NAPEPLD: variants seen among roughly 807,000 people sequenced by gnomAD.
NAPEPLD encodes N-acyl-phosphatidylethanolamine-hydrolyzing phospholipase D.
NAPEPLD carries 23 observed loss-of-function variants against 38.1 expected under a neutral mutation model. That is an observed-to-expected ratio of 0.60 (90% CI 0.43 to 0.86). The LOEUF (loss-of-function observed/expected upper bound fraction) is 0.86, where lower values mean the gene tolerates loss of function less well. Ranked by LOEUF, NAPEPLD falls within the 40% of genes least tolerant of loss-of-function variation. NAPEPLD has a pLI of 0.00. For missense variants in NAPEPLD, 411 were observed against 476.8 expected, an observed-to-expected ratio of 0.86 and a Z score of 1.28; for synonymous variants, 147 against 162.0, an observed-to-expected ratio of 0.91 and a Z score of 0.71.
At position 103,134,057 on chromosome 7, in the gene NAPEPLD, C is replaced by T. The variant is rs116489588; in HGVS notation, c.-16-5265G>A. 4.8e-3 allele frequency among the ~76,000 whole-genome samples: 730 copies of T among 152,230 alleles called. 6 individuals carry two copies. The highest frequency in any genetic ancestry group is 0.017 in the African/African-American group (690 of 41,522). The stretch of plus-strand genomic sequence containing the variant: ...TGTTATCAATTATAGTTAGGTCACA[C>T]GTTATACATGACATATAGTGATATC... On this transcript the variant is annotated intron_variant, in intron 1 of 4. Transcript: ENST00000465647.
intron 1 of NAPEPLD, among the ~76,000 whole-genome samples, chr7:103,138,103 G>A (rs1320738636): frequency 6.6e-6 from 1 of 151,222 alleles, no homozygotes; most frequent in Admixed American, 6.6e-5. Flanking sequence ...TCAGCCTCCC[G>A]AGTGGCTGGG....
intron 4 of NAPEPLD, among the ~76,000 whole-genome samples, chr7:103,104,572 G>A (rs1201286984): frequency 6.6e-6 from 1 of 152,158 alleles, no homozygotes; most frequent in Admixed American, 6.6e-5. Context: ...CTCAGTTCCA[G>A]GTTTTATGGC....
At chr7:103,112,156 G>C (rs771345602) in intron 4 of NAPEPLD, among the ~76,000 whole-genome samples, 14 of 152,180 alleles carry the variant, frequency 9.2e-5, no homozygotes, top group Non-Finnish European at 2.1e-4. Context: ...CTGTTGGTGG[G>C]AGTGTAAATT....
chr7:103,112,313 T>C (rs746580396), intron 4 of NAPEPLD, among the ~76,000 whole-genome samples: 7 of 152,308 alleles, frequency 4.6e-5, no homozygotes, highest in African/African-American at 1.2e-4. Context: ...CGTGTGTTTA[T>C]TGAGGCACTG....
At chr7:103,120,714 T>C (rs1020709164) in intron 2 of NAPEPLD, among the ~76,000 whole-genome samples, 5 of 118,092 alleles carry the variant, frequency 4.2e-5, no homozygotes, top group African/African-American at 2.0e-4. Context: ...TTTTTTTTTT[T>C]TTTTTTTTTT....
chr7:103,149,508 C>T (rs1222129817), upstream of NAPEPLD: 54 of 1,262,756 alleles, frequency 4.3e-5, no homozygotes, highest in Non-Finnish European at 5.3e-5. Context: ...CGCCGGGTCA[C>T]TCCCTTATTA....
intron 4 of NAPEPLD, among the ~76,000 whole-genome samples, chr7:103,105,681 C>T (rs1803160883): frequency 6.6e-6 from 1 of 152,196 alleles, no homozygotes; most frequent in African/African-American, 2.4e-5. Flanking sequence ...GGTGCAGTGG[C>T]TCACGCCAGT....
At chr7:103,130,174 A>G (rs533626880) in intron 1 of NAPEPLD, among the ~76,000 whole-genome samples, 156 of 152,360 alleles carry the variant, frequency 1.0e-3, no homozygotes, top group Non-Finnish European at 1.9e-3. Context: ...TATGGCTACA[A>G]TGGTGTTTAA....
intron 4 of NAPEPLD, among the ~76,000 whole-genome samples, chr7:103,112,187 C>A (rs149397147): frequency 1.3e-5 from 2 of 152,138 alleles, no homozygotes; most frequent in Non-Finnish European, 2.9e-5. Context: ...CTGTGGAAGA[C>A]ACTGTGGCGA....
At chr7:103,119,230 A>G (rs924945507) in intron 3 of NAPEPLD, among the ~76,000 whole-genome samples, 2 of 152,204 alleles carry the variant, frequency 1.3e-5, no homozygotes, top group African/African-American at 4.8e-5. Flanking sequence ...TTTTTAACTC[A>G]TATGACTATA....
intron 1 of NAPEPLD, among the ~76,000 whole-genome samples, chr7:103,133,241 CCACGTTGT>C (rs535925228): frequency 1.3e-5 from 2 of 152,134 alleles, no homozygotes; most frequent in Non-Finnish European, 2.9e-5. Flanking sequence ...CGACCAACTG[CCACGTTGT>C]CATATCCTTG....
chr7:103,132,441 C>A (rs537867205), intron 1 of NAPEPLD, among the ~76,000 whole-genome samples: 1 of 151,894 alleles, frequency 6.6e-6, no homozygotes, highest in African/African-American at 2.4e-5. Flanking sequence ...GCTGGTTGGT[C>A]AGGAGGAGAG....
rs763056538 is a variant in NAPEPLD, at chr7:103,119,661, C to A, written c.857G>T (p.Gly286Val). 8 of 1,614,014 alleles carry A rather than the reference C, an allele frequency of 5.0e-6. No individual in the cohort carries two copies. The South Asian group carries it at 6.6e-5, about 13-fold the overall frequency. The change falls in exon 3 of 5, where the codon GGT becomes GTT. Residue 286 changes from glycine (G) to valine (V), a missense_variant. Physicochemically the swap from Gly to Val is moderately radical, Grantham distance 109 (BLOSUM62 -3). Transcript: ENST00000465647. ...WNRFFFAGDT[G>V]YCPAFEEIGK... ...TATCTCTTCAAAAGCAGGGCAATAA[C>A]CAGTATCTCCTGCGAAAAAAAATCG...
rs1268855905 is a variant in NAPEPLD, at chr7:103,149,076, A to T, written c.-282T>A. ...CCGCTCCACTTCGCCGAAGAATTCC[A>T]AACCACCCCAGGCTCAGCAGTGTGG... On this transcript the variant is annotated 5_prime_UTR_variant, in exon 1 of 5. Transcript: ENST00000465647. 27 of 985,342 alleles carry T rather than the reference A, an allele frequency of 2.7e-5. No individual in the cohort carries two copies. Among genetic ancestry groups the T allele is most frequent in the Non-Finnish European group, 3.1e-5 (26 of 830,012 alleles). The allele number at this position is 985,342 out of a possible 1,614,324, so 61.0% of individuals were successfully genotyped here. A position where few individuals can be genotyped will look rare whatever the true frequency, so the allele number is the denominator to read the frequency against.
intron 4 of NAPEPLD, among the ~76,000 whole-genome samples, chr7:103,107,945 C>T (rs1020010555): frequency 3.9e-5 from 6 of 152,000 alleles, no homozygotes; most frequent in African/African-American, 1.2e-4. Context: ...GACACATAAT[C>T]GTCAGATTCA....
chr7:103,136,103 A>G (rs1293645231), intron 1 of NAPEPLD, among the ~76,000 whole-genome samples: 1 of 152,014 alleles, frequency 6.6e-6, no homozygotes, highest in Non-Finnish European at 1.5e-5. Flanking sequence ...CCCTATTAAA[A>G]AAAAAACAAA....
At chr7:103,129,344 A>G (rs1808468268) in intron 1 of NAPEPLD, 2 of 984,842 alleles carry the variant, frequency 2.0e-6, no homozygotes, top group Non-Finnish European at 2.4e-6. Context: ...CCAAAACAAC[A>G]TATTTCCCCA....
chr7:103,106,319 A>G (rs1803330786), intron 4 of NAPEPLD, among the ~76,000 whole-genome samples: 1 of 151,328 alleles, frequency 6.6e-6, no homozygotes, highest in Non-Finnish European at 1.5e-5. Flanking sequence ...CTGGGCGGCA[A>G]TTTGGGCAGA....
chr7:103,103,554 G>C lies in NAPEPLD; in HGVS notation c.1057C>G (p.His353Asp). The C allele has an allele frequency of 6.4e-7, 1 of 1,570,766 alleles. No individual in the cohort carries two copies. The highest frequency in any genetic ancestry group is 8.6e-7 in the Non-Finnish European group (1 of 1,168,392). ...HWGTFALANE[H>D]YLEPPVKLNE... ...AGCTTCACTGGAGGCTCTAAGTAAT[G>C]CTGGCCAAAGAGAAAGAAGAAAAAT... Residue 353 changes from histidine (H) to aspartate (D), a missense_variant and splice_region_variant, in exon 5 of 5, where the codon CAT becomes GAT. Physicochemically the swap from His to Asp is moderately conservative, Grantham distance 81 (BLOSUM62 -1). Coordinates refer to ENST00000465647, the MANE Select transcript of NAPEPLD (RefSeq NM_001122838.3).
Sources: allele counts gnomAD v4.1 joint callset (sites outside exome capture counted in the v4.1 genomes callset), GRCh38; gene constraint gnomAD v4.1.1; transcripts MANE v1.5; gene names NCBI Gene and HGNC (gene_info 2026-07-23, HGNC 2026-07-21).